Variants in RHOBTB1 observed in about 807,000 individuals in gnomAD.
The protein encoded by RHOBTB1 is Rho related BTB domain containing 1, also known as rho-related BTB domain-containing protein 1.
RHOBTB1 carries 40 observed loss-of-function variants against 71.6 expected under a neutral mutation model. The observed-to-expected ratio is 0.56, with a 90% CI of 0.43 to 0.73. The LOEUF (loss-of-function observed/expected upper bound fraction) is 0.73. Ranked by LOEUF, RHOBTB1 falls within the 30% of genes least tolerant of loss-of-function variation. RHOBTB1 has a pLI of 0.00. For missense variants in RHOBTB1, 797 were observed against 894.0 expected (o/e 0.89, Z 1.38); for synonymous variants, 319 against 334.9 (o/e 0.95, Z 0.52).
In RHOBTB1 at chr10:60,888,479, T is replaced by C. The variant is rs1181158209; in HGVS notation, c.1189A>G (p.Met397Val). Residue 397 changes from methionine to valine, a missense_variant, in exon 6 of 11, where the codon ATG becomes GTG. This residue lies in a region of RHOBTB1 where 658 missense variants were observed against 681.5 expected (regional missense o/e 0.97). Coordinates refer to ENST00000337910, the MANE Select transcript of RHOBTB1 (RefSeq NM_014836.5). ...VNPISKRMGPMTVVRMDASVQ... is the reference protein window; with the variant it reads ...VNPISKRMGPVTVVRMDASVQ... ...GAAGCGTCCATCCTGACCACAGTCA[T>C]GGGCCCCATCCGCTTTGAAATGGGG... The C allele has an allele frequency of 6.2e-7, 1 of 1,614,204 alleles. No individual in the cohort carries two copies. The highest frequency in any genetic ancestry group is 1.3e-5 in the African/African-American group (1 of 75,048).
At chr10:60,988,985 C>T (rs575036093) in intron 1 of RHOBTB1, among the ~76,000 whole-genome samples, 28 of 152,328 alleles carry the variant, frequency 1.8e-4, no homozygotes, top group Admixed American at 3.9e-4. Context: ...GGAAACCTTG[C>T]TTTATTCACA....
At chr10:60,862,203 CT>C in the RHOBTB1 span, among the ~76,000 whole-genome samples, 2 of 132,030 alleles carry the variant, frequency 1.5e-5, no homozygotes, top group African/African-American at 5.6e-5. Flanking sequence ...TTCTTTCTTT[CT>C]TTCTTTTTAT....
At chr10:60,972,222 A>G (rs2086181216) in intron 2 of RHOBTB1, among the ~76,000 whole-genome samples, 1 of 152,188 alleles carries the variant, frequency 6.6e-6, no homozygotes, top group Admixed American at 6.5e-5. Context: ...CCATTCTACT[A>G]TAGACACAAG....
At chr10:60,933,656 A>G (rs2084389422) in intron 2 of RHOBTB1, among the ~76,000 whole-genome samples, 2 of 151,982 alleles carry the variant, frequency 1.3e-5, no homozygotes, top group Admixed American at 1.3e-4. Context: ...AGCCGAGACC[A>G]CGCCATTGCA....
downstream of RHOBTB1, among the ~76,000 whole-genome samples, chr10:60,868,126 T>G (rs920319660): frequency 6.6e-6 from 1 of 152,162 alleles, no homozygotes; most frequent in African/African-American, 2.4e-5. Flanking sequence ...TACACACACA[T>G]AGACATACAA....
intron 2 of RHOBTB1, among the ~76,000 whole-genome samples, chr10:60,928,967 A>T (rs962726838): frequency 6.6e-6 from 1 of 152,142 alleles, no homozygotes; most frequent in Non-Finnish European, 1.5e-5. Flanking sequence ...GAATCTTAAA[A>T]TCATGGTGGA....
At chr10:60,891,087 A>G (rs2081891768) in intron 5 of RHOBTB1, among the ~76,000 whole-genome samples, 1 of 152,164 alleles carries the variant, frequency 6.6e-6, no homozygotes, top group South Asian at 2.1e-4. Flanking sequence ...GGACTTCTTA[A>G]CCTCTACATG....
intron 2 of RHOBTB1, among the ~76,000 whole-genome samples, chr10:60,978,236 A>G (rs1017936213): frequency 2.0e-5 from 3 of 152,166 alleles, no homozygotes; most frequent in African/African-American, 7.2e-5. Context: ...TCTGCAAAGC[A>G]TCACAGAAGT....
intron 2 of RHOBTB1, among the ~76,000 whole-genome samples, chr10:60,977,655 ATGCCATG>A (rs2086360221): frequency 6.6e-6 from 1 of 152,094 alleles, no homozygotes. Flanking sequence ...CAATCCCCAG[ATGCCATG>A]TGGTCATTTT....
At chr10:60,974,447 A>G (rs557941086) in intron 2 of RHOBTB1, among the ~76,000 whole-genome samples, 15 of 152,188 alleles carry the variant, frequency 9.9e-5, no homozygotes, top group African/African-American at 3.6e-4. Context: ...TTCACTATGA[A>G]CAAAATGCCT....
intron 2 of RHOBTB1, among the ~76,000 whole-genome samples, chr10:60,919,116 G>A (rs1185269192): frequency 5.3e-5 from 8 of 152,114 alleles, no homozygotes; most frequent in Non-Finnish European, 1.2e-4. Context: ...GCCCATGGAG[G>A]GACCTTTGTA....
chr10:60,990,960 AC>A (rs2086843224), intron 1 of RHOBTB1, among the ~76,000 whole-genome samples: 1 of 152,148 alleles, frequency 6.6e-6, no homozygotes, highest in Non-Finnish European at 1.5e-5. Flanking sequence ...CTGTTTTCAC[AC>A]ACATGTTCCT....
At chr10:60,896,345 TGAG>T (rs1030233111) in intron 4 of RHOBTB1, among the ~76,000 whole-genome samples, 16 of 152,364 alleles carry the variant, frequency 1.1e-4, no homozygotes, top group Admixed American at 9.1e-4. Flanking sequence ...GTGAGTGTGA[TGAG>T]GACATTCTCA....
chr10:60,876,668 T>C (rs2081068064), intron 8 of RHOBTB1, among the ~76,000 whole-genome samples: 1 of 152,204 alleles, frequency 6.6e-6, no homozygotes, highest in South Asian at 2.1e-4. Context: ...TTTAAAAAAC[T>C]AGTGCACTCA....
In RHOBTB1 at chr10:60,920,558, T is replaced by C. The variant is rs78620841; in HGVS notation, c.-10-9006A>G. ...AGGCCATAGTCAGGAGTTTGGATCT[T>C]ATTCTAAATGCAGTGAAAAGCCACT... On this transcript the variant is annotated intron_variant, in intron 2 of 10. Transcript: ENST00000337910. Among the ~76,000 whole-genome samples, 19 of 151,838 alleles carry C rather than the reference T, an allele frequency of 1.3e-4. 1 individual carries two copies. The East Asian group carries it at 3.5e-3, about 28-fold the overall frequency.
At chr10:60,962,941 A>G (rs1436538662) in intron 2 of RHOBTB1, among the ~76,000 whole-genome samples, 2 of 152,172 alleles carry the variant, frequency 1.3e-5, no homozygotes, top group Non-Finnish European at 2.9e-5. Context: ...TAGAGTTAGA[A>G]TATCATAAAT....
downstream of RHOBTB1, among the ~76,000 whole-genome samples, chr10:60,866,164 T>C (rs1449657366): frequency 1.3e-5 from 2 of 152,126 alleles, no homozygotes; most frequent in Non-Finnish European, 2.9e-5. Context: ...ACCCAGGGCA[T>C]GTACAAGAAG....
chr10:60,997,620 C>G (rs2087102818), intron 1 of RHOBTB1, among the ~76,000 whole-genome samples: 1 of 152,042 alleles, frequency 6.6e-6, no homozygotes, highest in Non-Finnish European at 1.5e-5. Flanking sequence ...AATGCTCAGC[C>G]CTGTAAATTT....
chr10:60,906,933 C>T (rs538421124), intron 4 of RHOBTB1, among the ~76,000 whole-genome samples: 46 of 152,206 alleles, frequency 3.0e-4, no homozygotes, highest in Non-Finnish European at 5.3e-4. Flanking sequence ...GTCGTGATGT[C>T]GTGGGAGGGA....
Sources: allele counts gnomAD v4.1 joint callset (sites outside exome capture counted in the v4.1 genomes callset), GRCh38; gene constraint gnomAD v4.1.1; regional missense constraint gnomAD v4.1.1; transcripts MANE v1.5; gene names NCBI Gene and HGNC (gene_info 2026-07-23, HGNC 2026-07-21).